Variants in DNAH12 observed in about 807,000 individuals in gnomAD.
DNAH12 encodes the protein dynein axonemal heavy chain 12.
In DNAH12, 285 loss-of-function variants were observed where a neutral mutation model predicts 371.5. The ratio of observed to expected loss-of-function variants is 0.77; its 90% CI spans 0.70 to 0.85. DNAH12 has a LOEUF of 0.85. Among genes scored for constraint, DNAH12 ranks in the 40% least tolerant of loss-of-function variants. The pLI, the probability that DNAH12 is intolerant of heterozygous loss-of-function variation, is 0.00. For missense variants in DNAH12, 3,611 were observed against 3,689.4 expected, an observed-to-expected ratio of 0.98 and a Z score of 0.55; for synonymous variants, 1,200 against 1,213.0, an observed-to-expected ratio of 0.99 and a Z score of 0.22.
intron 60 of DNAH12, among the ~76,000 whole-genome samples, chr3:57,348,088 A>G (rs1295153804): frequency 6.6e-6 from 1 of 152,218 alleles, no homozygotes; most frequent in Non-Finnish European, 1.5e-5. Context: ...CATATTATTC[A>G]TAATTGCCAA....
intron 69 of DNAH12, among the ~76,000 whole-genome samples, chr3:57,304,415 G>C (rs1233277317): frequency 6.6e-6 from 1 of 152,178 alleles, no homozygotes; most frequent in Non-Finnish European, 1.5e-5. Flanking sequence ...AATCAGGTAA[G>C]CAGCCTTTTT....
intron 12 of DNAH12, 131 bp downstream of exon 12, chr3:57,489,378 T>C (rs1005083230): frequency 1.1e-6 from 1 of 909,530 alleles, no homozygotes; most frequent in Non-Finnish European, 1.6e-6. Flanking sequence ...GGCACCTCTA[T>C]AGGAGGCAGC....
chr3:57,431,677 T>C (rs2064959693), intron 32 of DNAH12, among the ~76,000 whole-genome samples: 4 of 152,180 alleles, frequency 2.6e-5, no homozygotes, highest in Middle Eastern at 3.2e-3. Context: ...ATATTACCTA[T>C]GCCTAAGCTG....
chr3:57,302,557 A>ATTTTTTTTTTTTTT (rs1559535398), intron 69 of DNAH12, among the ~76,000 whole-genome samples: 1 of 58,522 alleles, frequency 1.7e-5, no homozygotes. Context: ...ATATATATAT[A>ATTTTTTTTTTTTTT]TATATATGTA....
intron 12 of DNAH12, among the ~76,000 whole-genome samples, 194 bp from the exon 13 acceptor site, chr3:57,483,705 A>C (rs1187982501): frequency 6.6e-6 from 1 of 151,984 alleles, no homozygotes; most frequent in Non-Finnish European, 1.5e-5. Flanking sequence ...TAGCACTTTG[A>C]AAGGCCAAGG....
At chr3:57,343,282 T>C (rs1423646089) in intron 60 of DNAH12, among the ~76,000 whole-genome samples, 3 of 152,212 alleles carry the variant, frequency 2.0e-5, no homozygotes, top group Non-Finnish European at 1.5e-5. Context: ...CTTTAAACAA[T>C]TGCTTTGCTG....
chr3:57,460,690 C>CA lies in DNAH12; in HGVS notation c.2736+798dup, dbSNP rs1322051349. Among the ~76,000 whole-genome samples the CA allele has an allele frequency of 6.6e-5, 10 of 152,260 alleles. No homozygotes were observed. In the East Asian group the frequency reaches 1.9e-3, roughly 29 times the overall value. On this transcript the variant is annotated intron_variant, in intron 19 of 73. Coordinates refer to ENST00000495027, the MANE Select transcript of DNAH12 (RefSeq NM_001366028.2). ...TCTGTTTTCTCCGAATAATGACAGC[C>CA]AAAATCTTCTATAAAACAATAAATA...
intron 69 of DNAH12, among the ~76,000 whole-genome samples, chr3:57,302,550 TATATATATA>T (rs2061373920): frequency 2.1e-5 from 2 of 96,982 alleles, no homozygotes; most frequent in East Asian, 8.0e-4. Context: ...TATATATATA[TATATATATA>T]TATATGTATT....
At chr3:57,314,976 T>A (rs1183168623) in intron 65 of DNAH12, among the ~76,000 whole-genome samples, 1 of 152,220 alleles carries the variant, frequency 6.6e-6, no homozygotes, top group Admixed American at 6.5e-5. Context: ...CTTGCTGGCA[T>A]ATGCTTGAGA....
At chr3:57,547,306 CT>C (rs541662460), upstream of DNAH12, among the ~76,000 whole-genome samples, 194 of 144,450 alleles carry the variant, frequency 1.3e-3, no homozygotes, top group Middle Eastern at 7.1e-3. Flanking sequence ...AATGTACGTC[CT>C]TTTTTTTTTT....
At chr3:57,298,602 G>C (rs985531929) in intron 70 of DNAH12, among the ~76,000 whole-genome samples, 1 of 152,160 alleles carries the variant, frequency 6.6e-6, no homozygotes, top group African/African-American at 2.4e-5. Context: ...AATCCAAAGT[G>C]GTACAGTGCT....
intron 60 of DNAH12, among the ~76,000 whole-genome samples, chr3:57,340,944 A>G (rs1042747957): frequency 6.6e-6 from 1 of 152,180 alleles, no homozygotes; most frequent in African/African-American, 2.4e-5. Context: ...ATCATACACT[A>G]TTATCAAGTG....
At chr3:57,489,447 T>C (rs2067040989) in intron 12 of DNAH12, 62 bp downstream of exon 12, 1 of 1,415,738 alleles carries the variant, frequency 7.1e-7, no homozygotes, top group East Asian at 2.8e-5. Context: ...AAACAAGAGT[T>C]ACTTTAGCAA....
chr3:57,301,326 T>TA (rs1472233746), intron 70 of DNAH12, among the ~76,000 whole-genome samples: 1 of 144,528 alleles, frequency 6.9e-6, no homozygotes. Flanking sequence ...ATTTTTGACT[T>TA]ACCATCAGTA....
chr3:57,389,023 T>C (rs1156233639), intron 45 of DNAH12, among the ~76,000 whole-genome samples: 1 of 152,190 alleles, frequency 6.6e-6, no homozygotes, highest in Admixed American at 6.5e-5. Context: ...CTGCACGTTG[T>C]GCACATGTAC....
rs528004972 is a variant in DNAH12 at position 57,480,744 on chromosome 3, A to G, written c.1650+2632T>C. On this transcript the variant is annotated intron_variant, in intron 13 of 73. Coordinates refer to ENST00000495027, the MANE Select transcript of DNAH12 (RefSeq NM_001366028.2). ...CCATGATCAAGTGGGTTTCATCCCT[A>G]GGATGCAAGGCTGGTTCAACATACG... Among the ~76,000 whole-genome samples the G allele has an allele frequency of 1.2e-4, 18 of 152,276 alleles. No homozygotes were observed. In the South Asian group the frequency reaches 3.5e-3, roughly 30 times the overall value.
intron 60 of DNAH12, among the ~76,000 whole-genome samples, chr3:57,348,270 G>A (rs528788865): frequency 3.2e-4 from 48 of 152,186 alleles, no homozygotes; most frequent in South Asian, 1.2e-3. Flanking sequence ...CATACATAGC[G>A]CATAATTCCA....
intron 12 of DNAH12, among the ~76,000 whole-genome samples, 200 bp downstream of exon 12, chr3:57,489,309 A>C (rs1431304546): frequency 1.3e-5 from 2 of 152,144 alleles, no homozygotes; most frequent in Admixed American, 1.3e-4. Flanking sequence ...CCTGGGTTGC[A>C]TTTAAAAAGG....
At chr3:57,543,292 G>C (rs2069375503) in intron 1 of DNAH12, among the ~76,000 whole-genome samples, 1 of 142,944 alleles carries the variant, frequency 7.0e-6, no homozygotes, top group African/African-American at 2.7e-5. Context: ...CCCAGTAAAA[G>C]CTGATATTTA....
Sources: allele counts gnomAD v4.1 joint callset (sites outside exome capture counted in the v4.1 genomes callset), GRCh38; gene constraint gnomAD v4.1.1; transcripts MANE v1.5; gene names NCBI Gene and HGNC (gene_info 2026-07-23, HGNC 2026-07-21).